JMJD1C: variants seen among roughly 807,000 people sequenced by gnomAD.
JMJD1C encodes jumonji domain-containing protein 1C.
JMJD1C carries 31 observed loss-of-function variants against 245.3 expected under a neutral mutation model. The ratio of observed to expected loss-of-function variants is 0.13; its 90% CI spans 0.09 to 0.17. JMJD1C has a LOEUF of 0.17. JMJD1C is among the 10% of genes least tolerant of loss of function. JMJD1C has a pLI of 1.00. For synonymous variants in JMJD1C, 1,057 were observed against 1,017.4 expected (o/e 1.04, Z -0.74); for missense variants, 2,691 against 3,000.2 (o/e 0.90, Z 2.41).
At chr10:63,447,133 TAAC>T (rs1951767487) in intron 1 of JMJD1C, among the ~76,000 whole-genome samples, 1 of 151,722 alleles carries the variant, frequency 6.6e-6, no homozygotes, top group Non-Finnish European at 1.5e-5. Context: ...AAGAGACTCT[TAAC>T]AAGAGGAAGG....
intron 1 of JMJD1C, chr10:63,382,699 C>A: frequency 2.3e-6 from 1 of 443,928 alleles, no homozygotes. Flanking sequence ...TTCAATCATT[C>A]AACCCTTCGC....
chr10:63,197,882 G>A (rs1299779382), intron 12 of JMJD1C, among the ~76,000 whole-genome samples: 1 of 152,158 alleles, frequency 6.6e-6, no homozygotes, highest in African/African-American at 2.4e-5. Flanking sequence ...GGCATCTGTA[G>A]CCTCTACCTA....
intron 2 of JMJD1C, among the ~76,000 whole-genome samples, chr10:63,371,109 C>T (rs777219240): frequency 1.5e-4 from 23 of 151,794 alleles, no homozygotes; most frequent in Non-Finnish European, 2.8e-4. Context: ...TCCTGAGTAG[C>T]TGGGACTACA....
At chr10:63,231,882 G>A (rs1034280863) in intron 3 of JMJD1C, among the ~76,000 whole-genome samples, 4 of 152,072 alleles carry the variant, frequency 2.6e-5, no homozygotes, top group African/African-American at 9.7e-5. Flanking sequence ...TTGTCACTCA[G>A]GCTGGAGTGC....
chr10:63,208,745 G>A lies in JMJD1C; in HGVS notation c.2924C>T (p.Ala975Val). The A allele has an allele frequency of 6.2e-7, 1 of 1,613,380 alleles. No individual in the cohort carries two copies. Among genetic ancestry groups the A allele is most frequent in the Non-Finnish European group, 8.5e-7 (1 of 1,179,700 alleles). The change falls in exon 10 of 26, where the codon GCC becomes GTC. Residue 975 changes from alanine (A) to valine (V), a missense_variant. Coordinates refer to ENST00000399262, the MANE Select transcript of JMJD1C (RefSeq NM_032776.3). ...CCTATTTAGATCCAGGTCATTTTTGGCTGATGTGGATGCAACAGACCGTAA... is the reference window on the plus strand; with the variant it reads ...CCTATTTAGATCCAGGTCATTTTTGACTGATGTGGATGCAACAGACCGTAA... The part of the protein sequence containing the change: ...EPLRSVASTS[A>V]KNDLDLNRSQ...
chr10:63,206,419 A>T (rs117681546), intron 10 of JMJD1C, among the ~76,000 whole-genome samples, 176 bp downstream of exon 10: 1 of 152,232 alleles, frequency 6.6e-6, no homozygotes, highest in Non-Finnish European at 1.5e-5. Flanking sequence ...ATTTCCTCTT[A>T]AAGGGTACTT....
chr10:63,208,818 C>G lies in JMJD1C; in HGVS notation c.2868-17G>C, dbSNP rs763155038. On this transcript the variant is annotated splice_polypyrimidine_tract_variant and intron_variant, in intron 9 of 25. Transcript: ENST00000399262. Reference sequence around the variant, plus strand: ...TCTAATTCTCTGTAAAGAAAATACACAAATATTTCTGTAACCACTTTTTCC... The same window carrying G: ...TCTAATTCTCTGTAAAGAAAATACAGAAATATTTCTGTAACCACTTTTTCC... 1.9e-6 allele frequency: 3 copies of G among 1,542,368 alleles called. No individual in the cohort carries two copies. The highest frequency in any genetic ancestry group is 2.6e-6 in the Non-Finnish European group (3 of 1,149,376).
intron 22 of JMJD1C, among the ~76,000 whole-genome samples, chr10:63,181,337 G>A (rs983424583): frequency 2.6e-5 from 4 of 152,072 alleles, no homozygotes; most frequent in Admixed American, 2.6e-4. Flanking sequence ...ATGAGGCGGG[G>A]GAGGCATCAT....
chr10:63,168,754 G>GT (rs1456733126), intron 24 of JMJD1C, among the ~76,000 whole-genome samples, 188 bp from the exon 25 acceptor site: 4 of 152,182 alleles, frequency 2.6e-5, no homozygotes, highest in Non-Finnish European at 5.9e-5. Flanking sequence ...AAAGCTTCAT[G>GT]TAAAGTGACT....
At chr10:63,399,644 A>G (rs1948730338) in intron 1 of JMJD1C, among the ~76,000 whole-genome samples, 1 of 152,140 alleles carries the variant, frequency 6.6e-6, no homozygotes, top group Non-Finnish European at 1.5e-5. Flanking sequence ...TTTTTATTCC[A>G]TTCTTTTTGT....
intron 2 of JMJD1C, among the ~76,000 whole-genome samples, chr10:63,361,495 T>C (rs1036171888): frequency 2.6e-5 from 4 of 152,022 alleles, no homozygotes; most frequent in African/African-American, 9.7e-5. Context: ...ATACATCAAA[T>C]ACTAAAAAGA....
intron 1 of JMJD1C, among the ~76,000 whole-genome samples, chr10:63,383,574 C>T (rs1360001888): frequency 2.0e-5 from 3 of 152,056 alleles, no homozygotes; most frequent in Non-Finnish European, 4.4e-5. Context: ...GTGGCATGTG[C>T]CTATGGTCCC....
chr10:63,245,904 G>A (rs1191443337), intron 3 of JMJD1C, among the ~76,000 whole-genome samples: 2 of 152,136 alleles, frequency 1.3e-5, no homozygotes, highest in Non-Finnish European at 2.9e-5. Flanking sequence ...GGGAACTGTG[G>A]GAGTTACAAT....
rs549958850 is a variant in JMJD1C at position 63,196,377 on chromosome 10, A to G, written c.5644+1034T>C. Among the ~76,000 whole-genome samples the G allele has an allele frequency of 3.3e-5, 5 of 152,370 alleles. No homozygotes were observed. The East Asian group carries it at 9.6e-4, about 29-fold the overall frequency. On this transcript the variant is annotated intron_variant, in intron 13 of 25. Transcript: ENST00000399262. ...TTTATGGTAGCTTACATCAAATTTT[A>G]TAACAATTGAAAATATCAAAATACA... is the stretch of plus-strand genomic sequence containing the variant.
intron 2 of JMJD1C, among the ~76,000 whole-genome samples, chr10:63,287,735 A>G (rs1858159568): frequency 6.6e-6 from 1 of 152,096 alleles, no homozygotes; most frequent in African/African-American, 2.4e-5. Flanking sequence ...TTTTCCCCTT[A>G]AAAGATTAGA....
At chr10:63,373,347 A>G (rs1367579594) in intron 2 of JMJD1C, among the ~76,000 whole-genome samples, 2 of 152,206 alleles carry the variant, frequency 1.3e-5, no homozygotes, top group African/African-American at 4.8e-5. Flanking sequence ...CCAGAGAAGG[A>G]GCCTGGGTAT....
At chr10:63,445,640 G>A (rs551247719) in intron 1 of JMJD1C, among the ~76,000 whole-genome samples, 2 of 152,216 alleles carry the variant, frequency 1.3e-5, no homozygotes, top group African/African-American at 2.4e-5. Flanking sequence ...GGAGGCATCT[G>A]ACCATAAAAG....
chr10:63,514,104 G>A (rs1290132295), intron 1 of JMJD1C, among the ~76,000 whole-genome samples: 1 of 152,038 alleles, frequency 6.6e-6, no homozygotes, highest in East Asian at 1.9e-4. Flanking sequence ...CAGTCAGAGT[G>A]GCTATTACTA....
At chr10:63,178,101 C>G (rs1397768987) in intron 22 of JMJD1C, among the ~76,000 whole-genome samples, 1 of 152,076 alleles carries the variant, frequency 6.6e-6, no homozygotes, top group Non-Finnish European at 1.5e-5. Flanking sequence ...CTGTCACACC[C>G]GACTAATTGT....
Sources: allele counts gnomAD v4.1 joint callset (sites outside exome capture counted in the v4.1 genomes callset), GRCh38; gene constraint gnomAD v4.1.1; transcripts MANE v1.5; gene names NCBI Gene and HGNC (gene_info 2026-07-23, HGNC 2026-07-21).